The following TTC21B variants were observed in gnomAD, a reference collection of about 807,000 sequenced individuals.
TTC21B encodes the protein tetratricopeptide repeat domain 21B, also known as tetratricopeptide repeat protein 21B.
Under a neutral mutation model 175.1 loss-of-function variants are expected in TTC21B, and 127 were observed. The observed-to-expected ratio is 0.73, with a 90% confidence interval of 0.63 to 0.84. The LOEUF is 0.84. Among genes scored for constraint, TTC21B ranks in the 40% least tolerant of loss-of-function variants. The pLI is 0.00. For missense variants in TTC21B, 1,561 were observed against 1,558.3 expected, an observed-to-expected ratio of 1.00 and a Z score of -0.03; for synonymous variants, 524 against 524.5, an observed-to-expected ratio of 1.00 and a Z score of 0.01.
intron 22 of TTC21B, among the ~76,000 whole-genome samples, chr2:165,894,977 T>C (rs915757407): frequency 3.9e-5 from 6 of 152,136 alleles, no homozygotes; most frequent in African/African-American, 1.4e-4. Flanking sequence ...AAGTCCTGCA[T>C]CCAGGAAAAC....
At chr2:165,927,306 A>T (rs1559064915) in intron 11 of TTC21B, among the ~76,000 whole-genome samples, 1 of 101,064 alleles carries the variant, frequency 9.9e-6, no homozygotes, top group East Asian at 2.5e-4. Flanking sequence ...ATATATATAT[A>T]TTATATATTA....
chr2:165,913,438 G>T, intron 16 of TTC21B, 136 bp downstream of exon 16: 3 of 629,518 alleles, frequency 4.8e-6, no homozygotes, highest in Non-Finnish European at 8.4e-6. Context: ...CTTTAAAATG[G>T]ATATCTCCCT....
Position 165,933,031 on chromosome 2 carries a change from A to T in TTC21B, c.737T>A (p.Val246Glu). 1 of 1,612,890 alleles carries T rather than the reference A, an allele frequency of 6.2e-7. No homozygotes were observed. Among genetic ancestry groups the T allele is most frequent in the Non-Finnish European group, 8.5e-7 (1 of 1,179,474 alleles). The change falls in exon 7 of 29, where the codon GTG becomes GAG. Residue 246 changes from valine to glutamate, a missense_variant. Transcript: ENST00000243344. ...QRLLLQDSQN[V>E]EALRMQALYY... ...GAGTGCCTGCATTCTCAGTGCTTCC[A>T]CATTTTGGCTATCTTGGAGCAGCAA...
At position 165,942,980 on chromosome 2, in the gene TTC21B, AAAC is replaced by A. The variant is rs200496639; in HGVS notation, c.552+236_552+238del. On this transcript the variant is annotated intron_variant, in intron 5 of 28. Coordinates refer to ENST00000243344, the MANE Select transcript of TTC21B (RefSeq NM_024753.5). The stretch of plus-strand genomic sequence containing the variant: ...TGCTGAGGAAAGAATGTGTGAACCA[AAAC>A]AACAACAACAATTAACAGTTACAGC... 5.4e-3 allele frequency among the ~76,000 whole-genome samples: 828 copies of A among 152,294 alleles called. 5 individuals carry two copies. The highest frequency in any genetic ancestry group is 0.013 in the East Asian group (69 of 5,186).
Position 165,874,614 on chromosome 2 carries a change from T to C in TTC21B, c.*141A>G. ...ATTTCACATAGTACTTCTCTTGATG[T>C]ACAGCAGCAACCTCTGCTGGAGAAA... On this transcript the variant is annotated 3_prime_UTR_variant, in exon 29 of 29. Coordinates refer to ENST00000243344, the MANE Select transcript of TTC21B (RefSeq NM_024753.5). 2 of 728,052 alleles carry C rather than the reference T, an allele frequency of 2.7e-6. No individual in the cohort carries two copies. Among genetic ancestry groups the C allele is most frequent in the Non-Finnish European group, 4.8e-6 (2 of 413,762 alleles). 45.1% of individuals were successfully genotyped at this position (728,052 alleles called of 1,614,324 possible).
intron 3 of TTC21B, among the ~76,000 whole-genome samples, chr2:165,946,635 C>T (rs970761760): frequency 1.3e-5 from 2 of 152,008 alleles, no homozygotes; most frequent in African/African-American, 2.4e-5. Context: ...GTCAAGAGTT[C>T]GAGACCAGCC....
chr2:165,897,951 T>C (rs147520977), intron 22 of TTC21B, among the ~76,000 whole-genome samples: 41 of 152,238 alleles, frequency 2.7e-4, no homozygotes, highest in African/African-American at 9.6e-4. Context: ...CCTGGCAGTA[T>C]GGGGGTCACC....
intron 19 of TTC21B, 60 bp downstream of exon 19, chr2:165,907,618 A>G (rs1399376552): frequency 3.6e-6 from 4 of 1,103,610 alleles, no homozygotes; most frequent in Non-Finnish European, 4.1e-6. Context: ...TATACATGGC[A>G]TATTTCCTTC....
chr2:165,900,674 C>T (rs1416132924), intron 20 of TTC21B, among the ~76,000 whole-genome samples: 3 of 151,884 alleles, frequency 2.0e-5, no homozygotes, highest in African/African-American at 7.3e-5. Flanking sequence ...TGTACAACAG[C>T]TGTTTAGTAA....
Position 165,953,741 on chromosome 2 carries a change from T to A in TTC21B, c.-36A>T. ...AGGCCGGGCCGCGGGGCTCTGGGGATTGTCTCGCCGCAGCCTAAAGGAAGA... is the reference window on the plus strand; with the variant it reads ...AGGCCGGGCCGCGGGGCTCTGGGGAATGTCTCGCCGCAGCCTAAAGGAAGA... On this transcript the variant is annotated 5_prime_UTR_variant, in exon 1 of 29. Transcript: ENST00000243344. 6.5e-7 allele frequency: 1 copy of A among 1,541,376 alleles called. No individual in the cohort carries two copies. The highest frequency in any genetic ancestry group is 8.8e-7 in the Non-Finnish European group (1 of 1,142,738).
At chr2:165,921,374 C>G in intron 12 of TTC21B, among the ~76,000 whole-genome samples, 1 of 152,276 alleles carries the variant, frequency 6.6e-6, no homozygotes, top group African/African-American at 2.4e-5. Context: ...GGTGATGTCT[C>G]CTGACTCCAT....
chr2:165,940,471 C>A (rs1384302077), intron 6 of TTC21B, among the ~76,000 whole-genome samples: 3 of 152,174 alleles, frequency 2.0e-5, no homozygotes, highest in Non-Finnish European at 2.9e-5. Context: ...ACCTTACTCA[C>A]CTCTCTTACT....
intron 6 of TTC21B, among the ~76,000 whole-genome samples, chr2:165,940,275 G>A (rs919685): frequency 0.17 from 25,785 of 151,994 alleles, 2,713 homozygotes; most frequent in African/African-American, 0.29. Context: ...TTGCCTGCTC[G>A]CCCACAGTCT....
At chr2:165,895,230 C>T (rs988087498) in intron 22 of TTC21B, among the ~76,000 whole-genome samples, 1 of 152,052 alleles carries the variant, frequency 6.6e-6, no homozygotes, top group African/African-American at 2.4e-5. Flanking sequence ...TTTGGTGTTG[C>T]TGGAGTACAA....
intron 11 of TTC21B, among the ~76,000 whole-genome samples, chr2:165,926,597 G>C (rs771577732): frequency 2.4e-4 from 36 of 152,112 alleles, no homozygotes; most frequent in Non-Finnish European, 3.8e-4. Context: ...CTGTCAACTT[G>C]ATTGTACTGA....
Position 165,953,651 on chromosome 2 carries a change from G to GCCCGCTCA in TTC21B, c.21+26_21+33dup, listed in dbSNP as rs59477041. The GCCCGCTCA allele has an allele frequency of 0.74, 1,103,993 of 1,500,260 alleles. 415,735 individuals carry two copies. The highest frequency in any genetic ancestry group is 0.78 in the Non-Finnish European group (872,900 of 1,115,336). The allele number at this position is 1,500,260 out of a possible 1,614,324, so 92.9% of individuals were successfully genotyped here. On this transcript the variant is annotated intron_variant, in intron 1 of 28. Coordinates refer to ENST00000243344, the MANE Select transcript of TTC21B (RefSeq NM_024753.5). The stretch of plus-strand genomic sequence containing the variant: ...GGCCGCAAAGGAACTCCGCCCGCCC[G>GCCCGCTCA]CCCGCTCACCCGCTCACCCGCTCAC...
intron 25 of TTC21B, among the ~76,000 whole-genome samples, chr2:165,885,576 A>T (rs1383700937): frequency 1.3e-5 from 2 of 152,142 alleles, no homozygotes; most frequent in Non-Finnish European, 2.9e-5. Context: ...GGGCCAGGAG[A>T]GGAGAGAAGA....
chr2:165,927,172 T>TTA (rs577792785), intron 11 of TTC21B, among the ~76,000 whole-genome samples: 2 of 36,720 alleles, frequency 5.4e-5, no homozygotes, highest in African/African-American at 1.5e-4. Context: ...ATCCTAACAG[T>TTA]TATATATATA....
chr2:165,931,728 A>C, intron 8 of TTC21B, 30 bp downstream of exon 8: 1 of 1,558,126 alleles, frequency 6.4e-7, no homozygotes, highest in Non-Finnish European at 8.9e-7. Context: ...TATAGATAAC[A>C]GAGCTCTGGT....
Sources: gnomAD v4.1 joint callset for allele counts (sites outside exome capture counted in the v4.1 genomes callset) on GRCh38, gnomAD v4.1.1 for gene constraint, MANE v1.5 for transcripts, NCBI Gene and HGNC (gene_info 2026-07-23, HGNC 2026-07-21) for gene names.